The following TENM2 variants were observed in gnomAD, a reference collection of about 807,000 sequenced individuals.
The protein encoded by TENM2 is teneurin-2.
Under a neutral mutation model 245.2 loss-of-function variants are expected in TENM2, and 52 were observed. That is an observed-to-expected ratio of 0.21 (90% confidence interval 0.17 to 0.27). TENM2 has a LOEUF of 0.27. Among genes scored for constraint, TENM2 ranks in the 10% least tolerant of loss-of-function variants. TENM2 has a pLI of 1.00. For missense variants in TENM2, 3,046 were observed against 3,666.8 expected, an observed-to-expected ratio of 0.83 and a Z score of 4.37; for synonymous variants, 1,363 against 1,438.9, an observed-to-expected ratio of 0.95 and a Z score of 1.19.
chr5:167,142,275 A>G, the TENM2 span, among the ~76,000 whole-genome samples: 1 of 151,874 alleles, frequency 6.6e-6, no homozygotes, highest in Non-Finnish European at 1.5e-5. Flanking sequence ...CTAAGCTGTC[A>G]CTCCTGCCCA....
At chr5:167,825,922 C>A in intron 2 of TENM2, among the ~76,000 whole-genome samples, 1 of 151,846 alleles carries the variant, frequency 6.6e-6, no homozygotes, top group East Asian at 1.9e-4. Context: ...TCTCCACAGA[C>A]CATTCCCACA....
At chr5:167,161,918 C>T in the TENM2 span, among the ~76,000 whole-genome samples, 1 of 152,112 alleles carries the variant, frequency 6.6e-6, no homozygotes, top group Non-Finnish European at 1.5e-5. Context: ...CCTGTAATCC[C>T]AGCACTTTGG....
At chr5:167,424,982 A>G (rs1763727264) in intron 2 of TENM2, among the ~76,000 whole-genome samples, 1 of 152,192 alleles carries the variant, frequency 6.6e-6, no homozygotes, top group South Asian at 2.1e-4. Context: ...TATATCACAA[A>G]TGCAATAAAT....
At chr5:167,739,243 C>A (rs1351847565) in intron 2 of TENM2, among the ~76,000 whole-genome samples, 1 of 152,140 alleles carries the variant, frequency 6.6e-6, no homozygotes, top group Admixed American at 6.5e-5. Flanking sequence ...ATTTCTATTT[C>A]TGGGCTTTTG....
At chr5:167,847,410 C>G (rs1770149243) in intron 2 of TENM2, among the ~76,000 whole-genome samples, 1 of 152,234 alleles carries the variant, frequency 6.6e-6, no homozygotes, top group Non-Finnish European at 1.5e-5. Flanking sequence ...ATCTACTATT[C>G]TATTAACCCA....
At chr5:168,012,094 T>G (rs1785261290) in intron 5 of TENM2, among the ~76,000 whole-genome samples, 1 of 152,172 alleles carries the variant, frequency 6.6e-6, no homozygotes, top group African/African-American at 2.4e-5. Flanking sequence ...TGAGTGACTT[T>G]GACTTTATGT....
At chr5:167,717,713 C>T (rs1283435339) in intron 2 of TENM2, among the ~76,000 whole-genome samples, 2 of 152,102 alleles carry the variant, frequency 1.3e-5, no homozygotes, top group African/African-American at 2.4e-5. Context: ...AAAGCTGCAT[C>T]GAGAGGCTGT....
chr5:167,918,160 G>C (rs1001477062), intron 3 of TENM2, among the ~76,000 whole-genome samples: 2 of 152,148 alleles, frequency 1.3e-5, no homozygotes, highest in African/African-American at 2.4e-5. Flanking sequence ...CCTTGCATCT[G>C]TGAGATCATG....
At chr5:167,205,756 A>G in the TENM2 span, among the ~76,000 whole-genome samples, 1 of 152,110 alleles carries the variant, frequency 6.6e-6, no homozygotes, top group Non-Finnish European at 1.5e-5. Flanking sequence ...GTCTCCCAAG[A>G]CTGAAATCAA....
chr5:167,387,107 G>C (rs550293797), intron 2 of TENM2, among the ~76,000 whole-genome samples: 3 of 152,040 alleles, frequency 2.0e-5, no homozygotes, highest in African/African-American at 7.2e-5. Context: ...CAGTATGGTC[G>C]TTTTGTAATA....
In TENM2 at chr5:167,359,076, C is replaced by T. The variant is rs185447473; in HGVS notation, c.227-16122C>T. On this transcript the variant is annotated intron_variant, in intron 1 of 28. Coordinates refer to ENST00000518659, the Ensembl canonical transcript of TENM2. ...TGTATTTTAAGTGGTCTCCTTGATT[C>T]GGTTCTGCCACATTCCTTTACTACT... is the stretch of plus-strand genomic sequence containing the variant. Among the ~76,000 whole-genome samples the T allele has an allele frequency of 5.5e-4, 84 of 152,238 alleles. 1 individual carries two copies. Among genetic ancestry groups the T allele is most frequent in the African/African-American group, 1.7e-3 (71 of 41,536 alleles).
At chr5:167,276,672 T>C in the TENM2 span, among the ~76,000 whole-genome samples, 1 of 152,038 alleles carries the variant, frequency 6.6e-6, no homozygotes, top group Non-Finnish European at 1.5e-5. Context: ...AAATGGTAGA[T>C]TTGCGTATAA....
At chr5:167,696,767 G>A (rs1300617645) in intron 2 of TENM2, among the ~76,000 whole-genome samples, 2 of 152,132 alleles carry the variant, frequency 1.3e-5, no homozygotes, top group Non-Finnish European at 2.9e-5. Context: ...GGAGAGACTC[G>A]TGCTACAGCC....
chr5:167,762,344 C>G (rs558089143), intron 2 of TENM2, among the ~76,000 whole-genome samples: 3 of 152,130 alleles, frequency 2.0e-5, no homozygotes, highest in East Asian at 1.9e-4. Context: ...TTTTCAACTG[C>G]GTAAAGCATC....
chr5:167,176,274 T>G, the TENM2 span, among the ~76,000 whole-genome samples: 3 of 152,192 alleles, frequency 2.0e-5, no homozygotes, highest in African/African-American at 7.2e-5. Context: ...TTGTTGTTGT[T>G]GTTGTTCTTT....
chr5:167,184,829 G>C, the TENM2 span, among the ~76,000 whole-genome samples: 1 of 152,030 alleles, frequency 6.6e-6, no homozygotes, highest in Non-Finnish European at 1.5e-5. Flanking sequence ...TAGAGCACAA[G>C]AGTTAGAACC....
intron 2 of TENM2, among the ~76,000 whole-genome samples, chr5:167,620,549 CTTTTTTTTTT>C (rs11455974): frequency 2.7e-5 from 2 of 73,314 alleles, no homozygotes; most frequent in African/African-American, 5.3e-5. Context: ...TGCTTTTTGG[CTTTTTTTTTT>C]TTTTTTTTTT....
chr5:167,488,959 C>T (rs771149124), intron 2 of TENM2, among the ~76,000 whole-genome samples: 7 of 152,066 alleles, frequency 4.6e-5, no homozygotes, highest in Non-Finnish European at 8.8e-5. Flanking sequence ...TGTCTGCCTG[C>T]CACCACTTCA....
At chr5:167,367,866 C>T (rs191527330) in intron 1 of TENM2, among the ~76,000 whole-genome samples, 9 of 152,112 alleles carry the variant, frequency 5.9e-5, no homozygotes, top group South Asian at 2.1e-4. Flanking sequence ...TGGGCAAAAA[C>T]TTAAGGCATC....
Sources: gnomAD v4.1 joint callset for allele counts (sites outside exome capture counted in the v4.1 genomes callset) on GRCh38, gnomAD v4.1.1 for gene constraint, MANE v1.5 for transcripts, NCBI Gene and HGNC (gene_info 2026-07-23, HGNC 2026-07-21) for gene names.